Variants in CYTH1 observed in about 807,000 individuals in gnomAD.
CYTH1 encodes cytohesin-1.
CYTH1 carries 18 observed loss-of-function variants against 61.8 expected under a neutral mutation model. The observed-to-expected ratio is 0.29, with a 90% CI of 0.20 to 0.43. CYTH1 has a LOEUF of 0.43. CYTH1 is among the 20% of genes least tolerant of loss of function. The probability of loss-of-function intolerance (pLI) is 1.00; values close to 1 mark genes in which losing one functional copy is unlikely to be tolerated. For missense variants in CYTH1, 336 were observed against 510.5 expected (o/e 0.66, Z 3.29); for synonymous variants, 174 against 184.3 (o/e 0.94, Z 0.45).
At chr17:78,777,035 G>A (rs1349079820) in intron 1 of CYTH1, among the ~76,000 whole-genome samples, 8 of 151,946 alleles carry the variant, frequency 5.3e-5, no homozygotes, top group Non-Finnish European at 4.4e-5. Context: ...TGAGGCAGGA[G>A]AATTGCTTGA....
intron 1 of CYTH1, among the ~76,000 whole-genome samples, chr17:78,778,828 C>A (rs1174698915): frequency 6.6e-6 from 1 of 151,976 alleles, no homozygotes; most frequent in Non-Finnish European, 1.5e-5. Context: ...AATGGAAGTT[C>A]TGAGGTGACG....
At chr17:78,760,350 C>G (rs1195688830) in intron 1 of CYTH1, among the ~76,000 whole-genome samples, 1 of 87,958 alleles carries the variant, frequency 1.1e-5, no homozygotes, top group African/African-American at 4.0e-5. Flanking sequence ...ATCCAAATAG[C>G]AGGTTTATAT....
chr17:78,679,790 G>A (rs981923449), intron 13 of CYTH1, among the ~76,000 whole-genome samples: 3 of 152,192 alleles, frequency 2.0e-5, no homozygotes, highest in African/African-American at 7.2e-5. Context: ...TTCCTCATCT[G>A]TAGCTAGGAA....
intron 4 of CYTH1, 79 bp from the exon 5 acceptor site, chr17:78,702,319 A>C: frequency 8.1e-7 from 1 of 1,239,648 alleles, no homozygotes; most frequent in Non-Finnish European, 1.2e-6. Flanking sequence ...ACAGGAAGAA[A>C]TGGGTGTGGG....
At chr17:78,758,343 G>A (rs1386326427) in intron 1 of CYTH1, among the ~76,000 whole-genome samples, 1 of 152,172 alleles carries the variant, frequency 6.6e-6, no homozygotes, top group African/African-American at 2.4e-5. Flanking sequence ...GTTGGTCAAG[G>A]AGACTGTAGC....
chr17:78,743,820 T>C (rs796724872), intron 1 of CYTH1, among the ~76,000 whole-genome samples: 2 of 152,244 alleles, frequency 1.3e-5, no homozygotes, highest in Non-Finnish European at 1.5e-5. Context: ...TCTTCTCATT[T>C]AAGAGTGACA....
chr17:78,697,252 C>T (rs1642324606), intron 9 of CYTH1, among the ~76,000 whole-genome samples: 1 of 150,676 alleles, frequency 6.6e-6, no homozygotes, highest in Non-Finnish European at 1.5e-5. Flanking sequence ...CGGAACAGCC[C>T]CTGCTAATGT....
chr17:78,711,140 T>C (rs1032699240), intron 1 of CYTH1, among the ~76,000 whole-genome samples: 1 of 151,764 alleles, frequency 6.6e-6, no homozygotes, highest in Non-Finnish European at 1.5e-5. Flanking sequence ...CAGGTGCCTG[T>C]AGTCCCAGCT....
At chr17:78,720,251 C>T (rs78464169) in intron 1 of CYTH1, among the ~76,000 whole-genome samples, 5 of 152,030 alleles carry the variant, frequency 3.3e-5, no homozygotes, top group Admixed American at 3.3e-4. Context: ...TGTATTTTAC[C>T]ACCATTAAAA....
intron 1 of CYTH1, among the ~76,000 whole-genome samples, chr17:78,734,646 G>C (rs1180201068): frequency 5.9e-5 from 9 of 151,840 alleles, no homozygotes; most frequent in African/African-American, 2.2e-4. Flanking sequence ...CACCATGTTG[G>C]CTAGGTTGGT....
chr17:78,693,501 A>C (rs1193157786), intron 10 of CYTH1, among the ~76,000 whole-genome samples: 1 of 152,016 alleles, frequency 6.6e-6, no homozygotes, highest in Non-Finnish European at 1.5e-5. Context: ...ACATGCCTAT[A>C]GTTCCAGCTA....
intron 2 of CYTH1, 115 bp downstream of exon 2, chr17:78,709,535 G>C: frequency 2.0e-6 from 2 of 985,902 alleles, no homozygotes; most frequent in Non-Finnish European, 3.2e-6. Context: ...CAGAGCTGTA[G>C]TGAGGGCAGG....
At chr17:78,777,713 G>A (rs983405659) in intron 1 of CYTH1, among the ~76,000 whole-genome samples, 8 of 151,792 alleles carry the variant, frequency 5.3e-5, no homozygotes, top group Non-Finnish European at 1.0e-4. Context: ...AAAGCCGGGC[G>A]CGGTGGCTCA....
intron 1 of CYTH1, among the ~76,000 whole-genome samples, chr17:78,751,375 A>C (rs1395769467): frequency 6.6e-6 from 1 of 152,098 alleles, no homozygotes; most frequent in African/African-American, 2.4e-5. Context: ...TCCATAAGGC[A>C]CATCATGGCC....
At chr17:78,711,771 C>T (rs2093134981) in intron 1 of CYTH1, among the ~76,000 whole-genome samples, 1 of 150,720 alleles carries the variant, frequency 6.6e-6, no homozygotes, top group Admixed American at 6.6e-5. Flanking sequence ...TTAAACATCT[C>T]AAAATCCAAA....
At chr17:78,720,983 T>G (rs548363145) in intron 1 of CYTH1, among the ~76,000 whole-genome samples, 1 of 152,244 alleles carries the variant, frequency 6.6e-6, no homozygotes, top group Non-Finnish European at 1.5e-5. Context: ...TTTTGCGTAG[T>G]GCATTTTAAA....
Position 78,702,519 on chromosome 17 carries a change from C to G in CYTH1, c.237+19G>C. 6.2e-7 allele frequency: 1 copy of G among 1,613,190 alleles called. No homozygotes were observed. Among genetic ancestry groups the G allele is most frequent in the Non-Finnish European group, 8.5e-7 (1 of 1,179,448 alleles). On this transcript the variant is annotated intron_variant, in intron 4 of 13. Transcript: ENST00000446868. ...AACCCCATCTAATATGGACCACTTC[C>G]CGCTTCTTTCTCACTTACCTTTTTA...
chr17:78,769,452 A>G (rs2093461887), intron 1 of CYTH1, among the ~76,000 whole-genome samples: 1 of 151,890 alleles, frequency 6.6e-6, no homozygotes. Context: ...ATCTTTCACA[A>G]TCCAGCCCAA....
At position 78,707,533 on chromosome 17, in the gene CYTH1, C is replaced by T. The variant is rs117023195; in HGVS notation, c.170+664G>A. On this transcript the variant is annotated intron_variant, in intron 3 of 13. Coordinates refer to ENST00000446868, the MANE Select transcript of CYTH1 (RefSeq NM_004762.6). Reference sequence around the variant, plus strand: ...ACACTCCAGCCCTTTGAAATCGTATCAGCAGCATTCATTAAGCTTTTCCTT... The same window carrying T: ...ACACTCCAGCCCTTTGAAATCGTATTAGCAGCATTCATTAAGCTTTTCCTT... Among the ~76,000 whole-genome samples the T allele has an allele frequency of 2.0e-4, 31 of 152,288 alleles. 1 individual carries two copies. The East Asian group carries it at 5.4e-3, about 26-fold the overall frequency.
Sources: allele counts gnomAD v4.1 joint callset (sites outside exome capture counted in the v4.1 genomes callset), GRCh38; gene constraint gnomAD v4.1.1; transcripts MANE v1.5; gene names NCBI Gene and HGNC (gene_info 2026-07-23, HGNC 2026-07-21).